MORN1: variants seen among roughly 807,000 people sequenced by gnomAD.
MORN1 encodes MORN repeat containing 1.
MORN1 carries 67 observed loss-of-function variants against 61.9 expected under a neutral mutation model. The ratio of observed to expected loss-of-function variants is 1.08; its 90% CI spans 0.89 to 1.33. The LOEUF (loss-of-function observed/expected upper bound fraction) is 1.33, where lower values mean the gene tolerates loss of function less well. Among genes scored for constraint, MORN1 ranks in the 40% most tolerant of loss-of-function variants. MORN1 has a pLI of 0.00. For missense variants in MORN1, 752 were observed against 691.2 expected, an observed-to-expected ratio of 1.09 and a Z score of -0.99; for synonymous variants, 301 against 292.0, an observed-to-expected ratio of 1.03 and a Z score of -0.31.
chr1:2,369,328 TGGATGACA>T (rs929156739), intron 8 of MORN1, among the ~76,000 whole-genome samples: 1 of 134,736 alleles, frequency 7.4e-6, no homozygotes, highest in Non-Finnish European at 1.5e-5. Flanking sequence ...CACTCTAGCC[TGGATGACA>T]GAGCAAAACT....
chr1:2,385,409 G>A (rs1642471349), intron 5 of MORN1: 2 of 429,412 alleles, frequency 4.7e-6, no homozygotes, highest in Non-Finnish European at 4.2e-6. Flanking sequence ...TTTCCACACG[G>A]GCTGAAGATG....
intron 8 of MORN1, among the ~76,000 whole-genome samples, chr1:2,368,063 CTT>C (rs1642034792): frequency 6.6e-6 from 1 of 152,198 alleles, no homozygotes; most frequent in Non-Finnish European, 1.5e-5. Context: ...AAACTTAAAA[CTT>C]TTGTGTTTCA....
chr1:2,390,634 G>C, intron 1 of MORN1: 1 of 985,420 alleles, frequency 1.0e-6, no homozygotes, highest in Non-Finnish European at 1.2e-6. Context: ...GGTTACTACA[G>C]GCTACTGTAT....
chr1:2,384,649 G>A (rs968630506), intron 6 of MORN1, among the ~76,000 whole-genome samples: 4 of 152,184 alleles, frequency 2.6e-5, no homozygotes, highest in Non-Finnish European at 5.9e-5. Flanking sequence ...TCTTATCCCC[G>A]TGACTGGCCC....
At chr1:2,389,660 T>C (rs74366400) in intron 2 of MORN1, among the ~76,000 whole-genome samples, 10,376 of 152,306 alleles carry the variant, frequency 0.068, 483 homozygotes, top group South Asian at 0.23. Context: ...CAGTTTTCAG[T>C]CTGGAAAAGA....
At chr1:2,363,258 CTG>C (rs1321504785) in intron 8 of MORN1, 7 of 152,142 alleles carry the variant, frequency 4.6e-5, no homozygotes, top group Non-Finnish European at 1.5e-5. Flanking sequence ...TTGAAAATAA[CTG>C]TGTCACAGCT....
Position 2,355,075 on chromosome 1 carries a change from G to GGCGCGGGGGGCCC in MORN1, c.1036+2344_1036+2356dup, listed in dbSNP as rs542612164. The GGCGCGGGGGGCCC allele has an allele frequency of 2.4e-3, 1,956 of 816,334 alleles. 10 individuals carry two copies. The East Asian group carries it at 0.031, about 13-fold the overall frequency. The allele number at this position is 816,334 out of a possible 1,614,324, so 50.6% of individuals were successfully genotyped here. A position where few individuals can be genotyped will look rare whatever the true frequency, so the allele number is the denominator to read the frequency against. ...CGCCCCAGACTCAGGCAGTGGGGCC[G>GGCGCGGGGGGCCC]GCGCGGGGGGCCCGCGCGGGGTAGG... On this transcript the variant is annotated intron_variant, in intron 10 of 13. Coordinates refer to ENST00000378531, the MANE Select transcript of MORN1 (RefSeq NM_024848.3).
intron 12 of MORN1, among the ~76,000 whole-genome samples, chr1:2,325,507 C>T (rs1641007816): frequency 6.6e-6 from 1 of 151,576 alleles, no homozygotes; most frequent in Non-Finnish European, 1.5e-5. Flanking sequence ...TGCCACCATG[C>T]CCAGATAATT....
intron 10 of MORN1, among the ~76,000 whole-genome samples, chr1:2,339,534 C>T (rs1322922723): frequency 2.0e-5 from 3 of 152,192 alleles, no homozygotes; most frequent in East Asian, 1.9e-4. Context: ...ATCCTGTGCA[C>T]CCACAATTTC....
chr1:2,324,437 C>T (rs921536049), intron 12 of MORN1, among the ~76,000 whole-genome samples: 3 of 152,218 alleles, frequency 2.0e-5, no homozygotes, highest in African/African-American at 7.2e-5. Context: ...CCCATTTCCA[C>T]AGTCTTCTGA....
intron 6 of MORN1, chr1:2,377,782 G>C (rs551697593): frequency 1.3e-5 from 2 of 152,514 alleles, no homozygotes; most frequent in Non-Finnish European, 1.5e-5. Flanking sequence ...TGGGGGTGAA[G>C]AGCAGGGGCT....
At chr1:2,325,323 C>G (rs752794229) in intron 12 of MORN1, among the ~76,000 whole-genome samples, 1 of 147,364 alleles carries the variant, frequency 6.8e-6, no homozygotes, top group African/African-American at 2.5e-5. Context: ...TCCTTTCTTT[C>G]TCTAGATAGA....
At chr1:2,324,239 G>C in intron 12 of MORN1, 96 bp from the exon 13 acceptor site, 2 of 1,320,184 alleles carry the variant, frequency 1.5e-6, no homozygotes, top group Non-Finnish European at 2.1e-6. Flanking sequence ...CTCCAGGGCA[G>C]ATTCAGGGCC....
At chr1:2,358,177 G>C (rs1641815900) in intron 9 of MORN1, among the ~76,000 whole-genome samples, 1 of 152,126 alleles carries the variant, frequency 6.6e-6, no homozygotes, top group African/African-American at 2.4e-5. Flanking sequence ...ATGTGTGCGT[G>C]GGGAGTGGCG....
At chr1:2,343,029 G>A (rs377230498) in intron 10 of MORN1, among the ~76,000 whole-genome samples, 50 of 151,970 alleles carry the variant, frequency 3.3e-4, no homozygotes, top group Non-Finnish European at 5.0e-4. Flanking sequence ...GTGGCCCCGC[G>A]CCAGCTCCCC....
At chr1:2,342,224 T>G (rs940767355) in intron 10 of MORN1, among the ~76,000 whole-genome samples, 7 of 152,338 alleles carry the variant, frequency 4.6e-5, no homozygotes, top group South Asian at 2.1e-4. Flanking sequence ...ATTCATTATC[T>G]TTTTACGGCG....
intron 13 of MORN1, chr1:2,322,284 C>T (rs914051995): frequency 1.0e-6 from 1 of 985,318 alleles, no homozygotes; most frequent in African/African-American, 1.7e-5. Context: ...CCTGAGCCTG[C>T]CGGGGCTGGC....
chr1:2,351,711 T>C, intron 10 of MORN1: 1 of 496,482 alleles, frequency 2.0e-6, no homozygotes, highest in Non-Finnish European at 3.9e-6. Flanking sequence ...TAGTTTCATC[T>C]TTCTGAACTC....
intron 2 of MORN1, 40 bp downstream of exon 2, chr1:2,389,885 G>A (rs766077910): frequency 5.7e-6 from 9 of 1,577,438 alleles, no homozygotes; most frequent in South Asian, 2.2e-5. Context: ...CGTCAGCTGT[G>A]GGGCAGCAGC....
Sources: gnomAD v4.1 joint callset for allele counts (sites outside exome capture counted in the v4.1 genomes callset) on GRCh38, gnomAD v4.1.1 for gene constraint, MANE v1.5 for transcripts, NCBI Gene and HGNC (gene_info 2026-07-23, HGNC 2026-07-21) for gene names.